Variants in APPL1 observed in about 807,000 individuals in gnomAD.
APPL1 encodes DCC-interacting protein 13-alpha.
A neutral mutation model predicts 106.8 loss-of-function variants in APPL1; 42 were observed. That is an observed-to-expected ratio of 0.39 (90% CI 0.31 to 0.51). The LOEUF is 0.51. Among genes scored for constraint, APPL1 ranks in the 20% least tolerant of loss-of-function variants. The pLI is 0.75. For synonymous variants in APPL1, 263 were observed against 281.8 expected (o/e 0.93, Z 0.67); for missense variants, 769 against 858.2 (o/e 0.90, Z 1.30).
chr3:57,252,341 T>C (rs771181816), intron 12 of APPL1, 30 bp downstream of exon 12: 15 of 1,521,242 alleles, frequency 9.9e-6, no homozygotes, highest in Non-Finnish European at 1.2e-5. Context: ...ATTTCTTCAT[T>C]GACATTTTAA....
chr3:57,259,812 A>G (rs1395165491), intron 16 of APPL1, 33 bp from the exon 17 acceptor site: 1 of 1,474,010 alleles, frequency 6.8e-7, no homozygotes, highest in Admixed American at 2.4e-5. Context: ...TACAGTAAAA[A>G]AAAAATATGT....
chr3:57,234,695 G>A (rs990486041), intron 1 of APPL1, among the ~76,000 whole-genome samples: 14 of 151,644 alleles, frequency 9.2e-5, no homozygotes, highest in African/African-American at 3.2e-4. Context: ...TTTGTCGCCC[G>A]CCCAGGCTGA....
intron 11 of APPL1, 24 bp from the exon 12 acceptor site, chr3:57,252,245 G>T (rs780851944): frequency 6.3e-7 from 1 of 1,596,346 alleles, no homozygotes; most frequent in South Asian, 1.1e-5. Context: ...AACAGTTGAG[G>T]CTCAAACGTC....
rs996151737 is a variant in APPL1, at chr3:57,271,119, C to T, written c.*1432C>T. On this transcript the variant is annotated 3_prime_UTR_variant, in exon 22 of 22. Transcript: ENST00000288266. ...AGCCACTAAGACTTTAATAATTTTACAAGGGAAAAAGCCTTTTTTTTTCTT... is the reference window on the plus strand; with the variant it reads ...AGCCACTAAGACTTTAATAATTTTATAAGGGAAAAAGCCTTTTTTTTTCTT... The T allele has an allele frequency of 2.0e-5, 3 of 152,054 alleles. No individual in the cohort carries two copies. The highest frequency in any genetic ancestry group is 7.3e-5 in the African/African-American group (3 of 41,262). The allele number at this position is 152,054 out of a possible 1,614,324, so 9.4% of individuals were successfully genotyped here.
intron 19 of APPL1, among the ~76,000 whole-genome samples, chr3:57,263,836 G>A (rs990314959): frequency 5.3e-5 from 8 of 150,994 alleles, no homozygotes; most frequent in Admixed American, 2.6e-4. Flanking sequence ...ATTGTGAACC[G>A]AGCTGCAGCA....
In APPL1 at chr3:57,267,732, CTCTTTTTA is replaced by C; in HGVS notation, c.1843-9_1843-2del. On this transcript the variant is annotated splice_acceptor_variant and splice_polypyrimidine_tract_variant and intron_variant, in intron 19 of 21. Transcript: ENST00000288266. LOFTEE classifies it high-confidence loss of function. ...ACTGCCTGAATTTTTCATACTTTTT[CTCTTTTTA>C]GATATGTGATTCTGTTGGACTGGCA... The C allele has an allele frequency of 6.2e-7, 1 of 1,612,956 alleles. No homozygotes were observed. The highest frequency in any genetic ancestry group is 8.5e-7 in the Non-Finnish European group (1 of 1,179,498).
At chr3:57,268,544 AC>A in intron 21 of APPL1, 57 bp downstream of exon 21, 2 of 1,485,270 alleles carry the variant, frequency 1.3e-6, no homozygotes, top group Admixed American at 4.6e-5. Context: ...TTAATTCAGC[AC>A]TATGACTTTC....
At chr3:57,244,194 C>G (rs1579387242) in intron 7 of APPL1, among the ~76,000 whole-genome samples, 1 of 150,438 alleles carries the variant, frequency 6.6e-6, no homozygotes, top group East Asian at 1.9e-4. Context: ...CTCATTCTGT[C>G]TCCCAGGCAG....
At chr3:57,249,314 T>C in intron 10 of APPL1, 46 bp from the exon 11 acceptor site, 1 of 1,601,950 alleles carries the variant, frequency 6.2e-7, no homozygotes, top group African/African-American at 1.3e-5. Context: ...ATGATGAGAT[T>C]TCAGGTATGT....
At chr3:57,253,450 T>C (rs557077296) in intron 12 of APPL1, among the ~76,000 whole-genome samples, 2 of 152,116 alleles carry the variant, frequency 1.3e-5, no homozygotes, top group South Asian at 4.1e-4. Context: ...AAATGTTGAA[T>C]GTGCTTTTAT....
intron 1 of APPL1, among the ~76,000 whole-genome samples, chr3:57,231,338 CAAA>C (rs71088043): frequency 2.8e-5 from 2 of 72,248 alleles, no homozygotes; most frequent in Admixed American, 2.0e-4. Context: ...GACTCCGTCT[CAAA>C]AAAAAAAAAA....
chr3:57,238,056 G>A lies in APPL1; in HGVS notation c.225G>A (p.Leu75=). The change falls in exon 4 of 22, where the codon TTG becomes TTA. Residue 75 remains leucine, a synonymous_variant. Transcript: ENST00000288266. The part of the protein sequence containing the change: ...LKEYEKQRFP[L]GGDDEVMSST... ...TTCTTGCTTTTCAGCGTTTTCCATT[G>A]GGAGGTGATGATGAAGTTATGAGCT... is the stretch of plus-strand genomic sequence containing the variant. The A allele has an allele frequency of 6.2e-7, 1 of 1,609,684 alleles. No homozygotes were observed. Among genetic ancestry groups the A allele is most frequent in the Non-Finnish European group, 8.5e-7 (1 of 1,178,138 alleles).
chr3:57,230,556 C>T (rs556768304), intron 1 of APPL1, among the ~76,000 whole-genome samples: 1 of 152,096 alleles, frequency 6.6e-6, no homozygotes, highest in South Asian at 2.1e-4. Context: ...TTTTTACATT[C>T]CAAATAAAAA....
At chr3:57,238,157 A>G (rs762402762) in intron 4 of APPL1, 41 bp downstream of exon 4, 2 of 1,458,344 alleles carry the variant, frequency 1.4e-6, no homozygotes, top group Non-Finnish European at 1.9e-6. Flanking sequence ...ATGGTCTTAT[A>G]ATTGAGTTAC....
At chr3:57,254,079 T>C (rs923811400) in intron 13 of APPL1, among the ~76,000 whole-genome samples, 1 of 152,176 alleles carries the variant, frequency 6.6e-6, no homozygotes, top group Non-Finnish European at 1.5e-5. Flanking sequence ...GCCAGGCTGG[T>C]CTCGAACTCC....
chr3:57,234,577 C>T (rs543153692), intron 1 of APPL1, among the ~76,000 whole-genome samples: 2 of 152,002 alleles, frequency 1.3e-5, no homozygotes, highest in East Asian at 1.9e-4. Context: ...GGATTACAGG[C>T]GTGAGCCACC....
chr3:57,252,082 T>TA (rs1263410058), intron 11 of APPL1, among the ~76,000 whole-genome samples, 187 bp from the exon 12 acceptor site: 3 of 152,204 alleles, frequency 2.0e-5, no homozygotes, highest in African/African-American at 7.2e-5. Flanking sequence ...TCAGAGCTGT[T>TA]AAAGTCTGCA....
At chr3:57,250,033 T>C (rs368732688) in intron 11 of APPL1, among the ~76,000 whole-genome samples, 20 of 152,216 alleles carry the variant, frequency 1.3e-4, no homozygotes, top group African/African-American at 4.3e-4. Context: ...ACATATGTAA[T>C]GTGACTGACA....
In APPL1 at chr3:57,227,848, A is replaced by C. The variant is rs760307551; in HGVS notation, c.-36A>C. On this transcript the variant is annotated 5_prime_UTR_variant, in exon 1 of 22. Coordinates refer to ENST00000288266, the MANE Select transcript of APPL1 (RefSeq NM_012096.3). ...GCCGGCGCGGGGAGCTGTGGGCGGC[A>C]GCTGCGTCTCCTGCCACCGCCCTCC... The C allele has an allele frequency of 5.5e-6, 8 of 1,443,948 alleles. No individual in the cohort carries two copies. In the Admixed American group the frequency reaches 6.8e-5, roughly 12 times the overall value. The allele number at this position is 1,443,948 out of a possible 1,614,324, so 89.4% of individuals were successfully genotyped here.
Sources: allele counts gnomAD v4.1 joint callset (sites outside exome capture counted in the v4.1 genomes callset), GRCh38; gene constraint gnomAD v4.1.1; transcripts MANE v1.5; gene names NCBI Gene and HGNC (gene_info 2026-07-23, HGNC 2026-07-21).